Variants in ADAMTSL1 observed in about 807,000 individuals in gnomAD.
The protein encoded by ADAMTSL1 is ADAMTS like 1, also known as ADAMTS-like protein 1.
Under a neutral mutation model 201.8 loss-of-function variants are expected in ADAMTSL1, and 126 were observed. The ratio of observed to expected loss-of-function variants is 0.62; its 90% CI spans 0.54 to 0.72. The LOEUF (loss-of-function observed/expected upper bound fraction) is 0.72. Among genes scored for constraint, ADAMTSL1 ranks in the 30% least tolerant of loss-of-function variants. The probability of loss-of-function intolerance (pLI) is 0.00; values close to 1 mark genes in which losing one functional copy is unlikely to be tolerated. For missense variants in ADAMTSL1, 2,679 were observed against 2,277.8 expected (o/e 1.18, Z -3.59); for synonymous variants, 1,121 against 903.4 (o/e 1.24, Z -4.32).
chr9:18,257,870 A>G (rs1831750086), intron 2 of ADAMTSL1, among the ~76,000 whole-genome samples: 1 of 152,268 alleles, frequency 6.6e-6, no homozygotes, highest in Non-Finnish European at 1.5e-5. Flanking sequence ...AAATAAGGAC[A>G]AATACTATGT....
chr9:18,191,526 T>G (rs1015619692), intron 2 of ADAMTSL1, among the ~76,000 whole-genome samples: 2 of 152,194 alleles, frequency 1.3e-5, no homozygotes, highest in Non-Finnish European at 2.9e-5. Context: ...GAAAGTGGCC[T>G]GTTACCTTGG....
chr9:18,146,589 A>T (rs893969103), intron 1 of ADAMTSL1, among the ~76,000 whole-genome samples: 3 of 152,118 alleles, frequency 2.0e-5, no homozygotes, highest in African/African-American at 4.8e-5. Flanking sequence ...AACACAGGGG[A>T]CTTTTTAGAG....
intron 2 of ADAMTSL1, among the ~76,000 whole-genome samples, chr9:18,349,122 C>A (rs1835850418): frequency 6.6e-6 from 1 of 152,138 alleles, no homozygotes. Flanking sequence ...GGAGTCAGTG[C>A]TCTTAACCAT....
intron 2 of ADAMTSL1, among the ~76,000 whole-genome samples, chr9:18,518,802 G>A (rs546096314): frequency 4.6e-4 from 70 of 152,216 alleles, no homozygotes; most frequent in Admixed American, 7.8e-4. Context: ...TCTGCCCCCC[G>A]GATTCAAGCG....
At chr9:18,177,488 T>C (rs927070551) in intron 2 of ADAMTSL1, among the ~76,000 whole-genome samples, 1 of 152,172 alleles carries the variant, frequency 6.6e-6, no homozygotes, top group Admixed American at 6.5e-5. Context: ...ATTTGTTTTT[T>C]CCTTATGTAA....
At chr9:17,982,963 C>T in intron 1 of ADAMTSL1, among the ~76,000 whole-genome samples, 1 of 151,510 alleles carries the variant, frequency 6.6e-6, no homozygotes, top group Non-Finnish European at 1.5e-5. Context: ...AAATCATCCT[C>T]AGAGATTGTG....
chr9:18,706,757 G>C lies in ADAMTSL1; in HGVS notation c.1585G>C (p.Glu529Gln), dbSNP rs1400815626. The change falls in exon 14 of 29, where the codon GAG (glutamate) becomes CAG (glutamine). Residue 529 changes from glutamate to glutamine, a missense_variant. Transcript: ENST00000380548. ...AVSEEPSFIP[E>Q]AWSACTVTCG... ...GCTTGCCGACTGCAGGTTCATCCCA[G>C]AGGCCTGGTCGGCCTGCACAGTCAC... 1.2e-6 allele frequency: 2 copies of C among 1,602,470 alleles called. No individual in the cohort carries two copies. The highest frequency in any genetic ancestry group is 4.5e-5 in the East Asian group (2 of 44,480).
rs1564099640 is a variant in ADAMTSL1 at position 18,626,870 on chromosome 9, T to TCTTTA, written c.601+4505_601+4506insACTTT. On this transcript the variant is annotated intron_variant, in intron 5 of 28. Transcript: ENST00000380548. ...TTCTTTCTTTCTTTCTTTCTTTCTG[T>TCTTTA]CTTTCTTCCTTCCTTCCTTCCTTCC... Among the ~76,000 whole-genome samples, 364 of 141,756 alleles carry TCTTTA rather than the reference T, an allele frequency of 2.6e-3. 2 individuals carry two copies. The highest frequency in any genetic ancestry group is 8.5e-3 in the African/African-American group (331 of 38,732). 93.0% of individuals were successfully genotyped at this position (141,756 alleles called of 152,430 possible).
At chr9:18,375,576 A>G (rs975326684) in intron 2 of ADAMTSL1, among the ~76,000 whole-genome samples, 1 of 152,158 alleles carries the variant, frequency 6.6e-6, no homozygotes, top group Non-Finnish European at 1.5e-5. Context: ...CTGTGTCTGG[A>G]GTTGGTTCCT....
chr9:18,393,277 ACTGTTG>A (rs1563931182), intron 2 of ADAMTSL1, among the ~76,000 whole-genome samples: 1 of 152,204 alleles, frequency 6.6e-6, no homozygotes, highest in Non-Finnish European at 1.5e-5. Flanking sequence ...ATTAAGAAGT[ACTGTTG>A]CTGTTGCATT....
chr9:18,430,458 T>A (rs1819438404), intron 2 of ADAMTSL1, among the ~76,000 whole-genome samples: 1 of 152,188 alleles, frequency 6.6e-6, no homozygotes, highest in South Asian at 2.1e-4. Flanking sequence ...TTGGAACTGA[T>A]CTAGTTCTAA....
intron 26 of ADAMTSL1, among the ~76,000 whole-genome samples, chr9:18,896,486 G>A (rs1427546692): frequency 6.6e-6 from 1 of 151,764 alleles, no homozygotes; most frequent in East Asian, 2.0e-4. Flanking sequence ...CTCTCACAGA[G>A]AGGAATGAAA....
intron 1 of ADAMTSL1, among the ~76,000 whole-genome samples, chr9:18,124,475 G>T (rs942781307): frequency 1.3e-5 from 2 of 151,878 alleles, no homozygotes; most frequent in African/African-American, 4.8e-5. Context: ...TATATATTCT[G>T]GATGCTAGGC....
At chr9:18,373,444 T>G (rs1837140781) in intron 2 of ADAMTSL1, among the ~76,000 whole-genome samples, 1 of 152,186 alleles carries the variant, frequency 6.6e-6, no homozygotes, top group Non-Finnish European at 1.5e-5. Flanking sequence ...CAACAATCTT[T>G]TCATATCATC....
intron 3 of ADAMTSL1, among the ~76,000 whole-genome samples, chr9:18,543,075 G>A (rs150051083): frequency 7.1e-4 from 108 of 152,294 alleles, no homozygotes; most frequent in Non-Finnish European, 1.2e-3. Context: ...AACTATCATG[G>A]CTTGGCTGTT....
At chr9:18,659,774 GAAGA>G (rs1177850728) in intron 8 of ADAMTSL1, among the ~76,000 whole-genome samples, 4 of 152,152 alleles carry the variant, frequency 2.6e-5, no homozygotes, top group East Asian at 1.9e-4. Flanking sequence ...CTCAAAAAAA[GAAGA>G]AAGAAAGAAG....
intron 2 of ADAMTSL1, among the ~76,000 whole-genome samples, chr9:18,528,841 T>A (rs1819261178): frequency 6.6e-6 from 1 of 152,216 alleles, no homozygotes; most frequent in Non-Finnish European, 1.5e-5. Flanking sequence ...AAATCCTCTC[T>A]TATCATTTGT....
At chr9:18,229,360 G>T (rs1310065881) in intron 2 of ADAMTSL1, among the ~76,000 whole-genome samples, 2 of 152,026 alleles carry the variant, frequency 1.3e-5, no homozygotes, top group Non-Finnish European at 1.5e-5. Flanking sequence ...CATGATTATG[G>T]TCCTTAAATA....
chr9:18,413,496 A>T (rs1410473189), intron 2 of ADAMTSL1, among the ~76,000 whole-genome samples: 4 of 152,150 alleles, frequency 2.6e-5, no homozygotes, highest in Non-Finnish European at 5.9e-5. Context: ...AAACATGCTT[A>T]TCTACCGATT....
Sources: gnomAD v4.1 joint callset for allele counts (sites outside exome capture counted in the v4.1 genomes callset) on GRCh38, gnomAD v4.1.1 for gene constraint, MANE v1.5 for transcripts, NCBI Gene and HGNC (gene_info 2026-07-23, HGNC 2026-07-21) for gene names.